Variants in SLC25A26 observed in about 807,000 individuals in gnomAD.
SLC25A26 encodes mitochondrial S-adenosylmethionine carrier protein.
SLC25A26 carries 36 observed loss-of-function variants against 37.8 expected under a neutral mutation model. That is an observed-to-expected ratio of 0.95 (90% CI 0.73 to 1.26). The LOEUF is 1.26. SLC25A26 is among the 50% of genes most tolerant of loss of function. The probability of loss-of-function intolerance (pLI) is 0.00; values close to 1 mark genes in which losing one functional copy is unlikely to be tolerated. For synonymous variants in SLC25A26, 129 were observed against 122.5 expected (o/e 1.05, Z -0.35); for missense variants, 390 against 331.1 (o/e 1.18, Z -1.38).
At chr3:66,161,336 G>A (rs758108857) in intron 1 of SLC25A26, among the ~76,000 whole-genome samples, 1 of 152,164 alleles carries the variant, frequency 6.6e-6, no homozygotes, top group Non-Finnish European at 1.5e-5. Flanking sequence ...AAATTTTCCT[G>A]ATTGCAGACT....
At chr3:66,201,871 C>T (rs2071115293) in intron 1 of SLC25A26, among the ~76,000 whole-genome samples, 1 of 152,008 alleles carries the variant, frequency 6.6e-6, no homozygotes, top group Admixed American at 6.5e-5. Context: ...ATTAAACTAC[C>T]AAAACCTAAG....
intron 5 of SLC25A26, among the ~76,000 whole-genome samples, chr3:66,282,254 A>C (rs928555649): frequency 1.4e-5 from 2 of 144,678 alleles, no homozygotes; most frequent in Non-Finnish European, 3.0e-5. Flanking sequence ...CTCATGATCC[A>C]CCCGCCTCGG....
At chr3:66,146,066 G>A (rs1043064080) in intron 1 of SLC25A26, among the ~76,000 whole-genome samples, 21 of 152,002 alleles carry the variant, frequency 1.4e-4, no homozygotes, top group East Asian at 1.4e-3. Context: ...TTGGCTGGGC[G>A]CAGTGGCTCA....
intron 1 of SLC25A26, among the ~76,000 whole-genome samples, chr3:66,207,340 A>G (rs2071194945): frequency 6.6e-6 from 1 of 152,264 alleles, no homozygotes; most frequent in Admixed American, 6.5e-5. Context: ...TGCAGTTCCA[A>G]CAATTAGGGG....
chr3:66,191,300 C>T (rs995971813), intron 1 of SLC25A26, among the ~76,000 whole-genome samples: 1,667 of 152,212 alleles, frequency 0.011, 31 homozygotes, highest in African/African-American at 0.038. Flanking sequence ...GAGTCTGAGG[C>T]GGGAGTATTG....
chr3:66,173,096 G>T (rs1380437872), intron 1 of SLC25A26, among the ~76,000 whole-genome samples: 1 of 152,142 alleles, frequency 6.6e-6, no homozygotes, highest in Non-Finnish European at 1.5e-5. Context: ...TTATTGTTCA[G>T]GCGCTTTCCA....
At position 66,166,177 on chromosome 3, in the gene SLC25A26, G is replaced by T. The variant is rs554824323; in HGVS notation, c.-354+32193G>T. On this transcript the variant is annotated intron_variant, in intron 1 of 10. Coordinates refer to the SLC25A26 transcript ENST00000676754. ...CTATCTATCAGATGAACATAGAATT[G>T]AAGGTGACATACTGATCTGACATCA... 7.9e-5 allele frequency among the ~76,000 whole-genome samples: 12 copies of T among 152,292 alleles called. No homozygotes were observed. In the South Asian group the frequency reaches 2.5e-3, roughly 32 times the overall value.
intron 1 of SLC25A26, among the ~76,000 whole-genome samples, chr3:66,191,765 C>T (rs2070946220): frequency 6.6e-6 from 1 of 151,980 alleles, no homozygotes; most frequent in Non-Finnish European, 1.5e-5. Context: ...GTGGCACGTG[C>T]CTGTAATCCT....
rs1169502871 is a variant in SLC25A26, at chr3:66,274,053, T to A, written c.453+10674T>A. Among the ~76,000 whole-genome samples, 13 of 152,202 alleles carry A rather than the reference T, an allele frequency of 8.5e-5. No individual in the cohort carries two copies. The South Asian group carries it at 2.5e-3, about 29-fold the overall frequency. On this transcript the variant is annotated intron_variant, in intron 5 of 9. Coordinates refer to ENST00000354883, the MANE Select transcript of SLC25A26 (RefSeq NM_001379210.1). ...CATGGTACTGGTACCAAAACAGAGA[T>A]ATAGATCAGTGGAACAGAACAGAGC...
intron 1 of SLC25A26, among the ~76,000 whole-genome samples, chr3:66,226,102 G>C (rs1477363469): frequency 6.6e-6 from 1 of 152,106 alleles, no homozygotes. Context: ...CCAATTTCCT[G>C]TATTAGTCTG....
intron 1 of SLC25A26, among the ~76,000 whole-genome samples, chr3:66,232,483 A>G (rs1370111654): frequency 6.6e-6 from 1 of 152,226 alleles, no homozygotes. Context: ...ATTAGTAAAC[A>G]AAACAGATAT....
chr3:66,172,255 AC>A (rs1244360159), intron 1 of SLC25A26, among the ~76,000 whole-genome samples: 1 of 151,978 alleles, frequency 6.6e-6, no homozygotes, highest in Non-Finnish European at 1.5e-5. Context: ...TACAAAAAAT[AC>A]AAAAATTAGC....
chr3:66,237,557 C>G (rs2072354225), intron 2 of SLC25A26, among the ~76,000 whole-genome samples: 1 of 152,252 alleles, frequency 6.6e-6, no homozygotes, highest in Non-Finnish European at 1.5e-5. Context: ...GTGTTTCTCA[C>G]TAATGTTCTC....
chr3:66,242,120 A>G (rs543070140), intron 2 of SLC25A26, among the ~76,000 whole-genome samples: 1 of 152,210 alleles, frequency 6.6e-6, no homozygotes, highest in Non-Finnish European at 1.5e-5. Context: ...AAAAGAAGCC[A>G]TAAAGTCAGA....
intron 1 of SLC25A26, among the ~76,000 whole-genome samples, chr3:66,183,996 T>C (rs1309619692): frequency 1.3e-5 from 2 of 152,052 alleles, no homozygotes; most frequent in Non-Finnish European, 2.9e-5. Context: ...ACCCATACTC[T>C]TACCCTTACC....
intron 5 of SLC25A26, among the ~76,000 whole-genome samples, chr3:66,288,064 GGA>G (rs2074574097): frequency 6.6e-6 from 1 of 152,184 alleles, no homozygotes; most frequent in African/African-American, 2.4e-5. Context: ...ATGGGACAGA[GGA>G]GAGAGATTCT....
intron 1 of SLC25A26, among the ~76,000 whole-genome samples, chr3:66,176,831 G>A (rs2070594594): frequency 6.6e-6 from 1 of 152,194 alleles, no homozygotes; most frequent in African/African-American, 2.4e-5. Context: ...TGGGGAAGGG[G>A]TGAAAGGTGG....
intron 5 of SLC25A26, among the ~76,000 whole-genome samples, chr3:66,294,035 G>GT (rs2074810465): frequency 6.6e-6 from 1 of 151,870 alleles, no homozygotes; most frequent in Non-Finnish European, 1.5e-5. Flanking sequence ...TTTTAAAATA[G>GT]TTTTTTTCTA....
At chr3:66,319,822 C>T (rs1015262155) in intron 5 of SLC25A26, among the ~76,000 whole-genome samples, 21 of 126,850 alleles carry the variant, frequency 1.7e-4, no homozygotes, top group African/African-American at 4.8e-4. Flanking sequence ...GGTGTGATCT[C>T]CGCTCACCGC....
Sources: allele counts gnomAD v4.1 joint callset (sites outside exome capture counted in the v4.1 genomes callset), GRCh38; gene constraint gnomAD v4.1.1; transcripts MANE v1.5; gene names NCBI Gene and HGNC (gene_info 2026-07-23, HGNC 2026-07-21).